The following DLG2 variants were observed in gnomAD, a reference collection of about 807,000 sequenced individuals.
The protein encoded by DLG2 is discs large MAGUK scaffold protein 2, also known as disks large homolog 2.
DLG2 carries 45 observed loss-of-function variants against 132.5 expected under a neutral mutation model. That is an observed-to-expected ratio of 0.34 (90% CI 0.27 to 0.44). DLG2 has a LOEUF of 0.44. Among genes scored for constraint, DLG2 ranks in the 20% least tolerant of loss-of-function variants. The pLI is 1.00. For synonymous variants in DLG2, 424 were observed against 419.6 expected, an observed-to-expected ratio of 1.01 and a Z score of -0.13; for missense variants, 1,045 against 1,196.9, an observed-to-expected ratio of 0.87 and a Z score of 1.87.
At chr11:85,574,406 T>C (rs909084987) in intron 3 of DLG2, among the ~76,000 whole-genome samples, 4 of 150,322 alleles carry the variant, frequency 2.7e-5, no homozygotes, top group African/African-American at 9.8e-5. Context: ...AAGAATGCCA[T>C]ACCTCTAGCT....
intron 7 of DLG2, among the ~76,000 whole-genome samples, chr11:84,509,622 C>T (rs1302016936): frequency 6.6e-6 from 1 of 151,946 alleles, no homozygotes. Flanking sequence ...GCCCACCCAA[C>T]AAATAGAAAG....
intron 6 of DLG2, among the ~76,000 whole-genome samples, chr11:84,717,497 G>A (rs747419348): frequency 1.7e-4 from 26 of 151,940 alleles, no homozygotes; most frequent in African/African-American, 5.3e-4. Flanking sequence ...AGAATTTCTA[G>A]TGTGGTCAAT....
intron 7 of DLG2, among the ~76,000 whole-genome samples, chr11:84,390,912 C>T (rs1420809560): frequency 6.6e-6 from 1 of 152,132 alleles, no homozygotes; most frequent in African/African-American, 2.4e-5. Flanking sequence ...ATGATACCAT[C>T]TGAAAGGTGA....
intron 6 of DLG2, among the ~76,000 whole-genome samples, chr11:84,712,417 C>T (rs1173469920): frequency 1.3e-5 from 2 of 151,940 alleles, no homozygotes; most frequent in Non-Finnish European, 2.9e-5. Flanking sequence ...CTGTTTAACT[C>T]CTTAGCTCAT....
At chr11:85,556,858 T>G (rs1052887159) in intron 3 of DLG2, among the ~76,000 whole-genome samples, 3 of 151,776 alleles carry the variant, frequency 2.0e-5, no homozygotes, top group African/African-American at 7.2e-5. Context: ...GTTATCCAAA[T>G]ATAGAGATGA....
At chr11:84,873,995 T>G (rs774495961) in intron 6 of DLG2, among the ~76,000 whole-genome samples, 3 of 152,116 alleles carry the variant, frequency 2.0e-5, no homozygotes, top group Non-Finnish European at 4.4e-5. Flanking sequence ...TCAAAGAAAG[T>G]GTCAAAGCAC....
chr11:85,093,966 G>A (rs1361393357), intron 6 of DLG2, among the ~76,000 whole-genome samples: 1 of 152,124 alleles, frequency 6.6e-6, no homozygotes, highest in African/African-American at 2.4e-5. Flanking sequence ...TATAATAATA[G>A]TTCTGCCACC....
intron 7 of DLG2, among the ~76,000 whole-genome samples, chr11:84,412,782 G>A (rs780890301): frequency 3.3e-5 from 5 of 152,228 alleles, no homozygotes; most frequent in Non-Finnish European, 7.4e-5. Context: ...CCAGTTCCCA[G>A]AATAGAGTTT....
chr11:84,394,286 C>T (rs1039258365), intron 7 of DLG2, among the ~76,000 whole-genome samples: 1 of 150,612 alleles, frequency 6.6e-6, no homozygotes, highest in African/African-American at 2.4e-5. Context: ...GCCTATGGGG[C>T]ATTTTTTTAG....
intron 19 of DLG2, among the ~76,000 whole-genome samples, chr11:83,597,027 T>A (rs1014196562): frequency 2.6e-5 from 4 of 152,176 alleles, no homozygotes; most frequent in African/African-American, 9.7e-5. Context: ...AGTGAAGCAA[T>A]TCTGTGATGA....
chr11:84,062,941 G>A (rs1204361687), intron 10 of DLG2, among the ~76,000 whole-genome samples: 1 of 152,020 alleles, frequency 6.6e-6, no homozygotes, highest in East Asian at 1.9e-4. Flanking sequence ...TGTGAGTAAA[G>A]CCACCAACTG....
intron 6 of DLG2, among the ~76,000 whole-genome samples, chr11:84,995,735 AAAG>A (rs2057586119): frequency 6.6e-6 from 1 of 152,142 alleles, no homozygotes; most frequent in Non-Finnish European, 1.5e-5. Flanking sequence ...TTTTAAAAAA[AAAG>A]AGGAATGGAT....
chr11:85,413,497 A>T (rs2089531087), intron 3 of DLG2, among the ~76,000 whole-genome samples: 1 of 151,674 alleles, frequency 6.6e-6, no homozygotes, highest in Admixed American at 6.6e-5. Context: ...GTCTAGAAGG[A>T]TTTTTTTGAT....
intron 7 of DLG2, among the ~76,000 whole-genome samples, chr11:84,403,422 T>C (rs1030785199): frequency 6.6e-6 from 1 of 152,186 alleles, no homozygotes; most frequent in Non-Finnish European, 1.5e-5. Flanking sequence ...GTTTATTTTA[T>C]CTCCATGTCT....
At chr11:85,191,145 C>CGCGT (rs2080504042) in intron 4 of DLG2, among the ~76,000 whole-genome samples, 1 of 138,338 alleles carries the variant, frequency 7.2e-6, no homozygotes. Flanking sequence ...TATATGCATG[C>CGCGT]GCGCGCGCGC....
intron 3 of DLG2, among the ~76,000 whole-genome samples, chr11:85,500,292 C>CA (rs555105735): frequency 1.4e-4 from 20 of 138,286 alleles, no homozygotes; most frequent in African/African-American, 5.4e-4. Context: ...ATCGCAAGAA[C>CA]AAAAAACCAA....
intron 18 of DLG2, among the ~76,000 whole-genome samples, chr11:83,673,815 A>G (rs1318297396): frequency 1.3e-5 from 2 of 152,246 alleles, no homozygotes; most frequent in African/African-American, 4.8e-5. Flanking sequence ...TGCTTTGCAC[A>G]CAGCAGCAGT....
rs2085864978 is a variant in DLG2, at chr11:84,873,720, T to C, written c.357+237941A>G. On this transcript the variant is annotated intron_variant, in intron 6 of 27. Coordinates refer to ENST00000376104, the MANE Select transcript of DLG2 (RefSeq NM_001142699.3). ...ATCCCTGCTCTTTTCCTTAAAATTT[T>C]CAAAAACCGTGTTGAGGTTCATTGA... Among the ~76,000 whole-genome samples the C allele has an allele frequency of 1.3e-5, 2 of 152,230 alleles. 1 individual carries two copies. The highest frequency in any genetic ancestry group is 4.1e-4 in the South Asian group (2 of 4,828).
intron 10 of DLG2, among the ~76,000 whole-genome samples, chr11:84,069,985 A>G (rs573759551): frequency 6.6e-6 from 1 of 152,334 alleles, no homozygotes; most frequent in South Asian, 2.1e-4. Flanking sequence ...TACCACCTGG[A>G]TTACTACAGT....
Sources: allele counts gnomAD v4.1 joint callset (sites outside exome capture counted in the v4.1 genomes callset), GRCh38; gene constraint gnomAD v4.1.1; transcripts MANE v1.5; gene names NCBI Gene and HGNC (gene_info 2026-07-23, HGNC 2026-07-21).